Variants in RBFOX1 observed in about 807,000 individuals in gnomAD.
RBFOX1 encodes RNA binding fox-1 homolog 1, also known as RNA binding protein fox-1 homolog 1.
Under a neutral mutation model 57.7 loss-of-function variants are expected in RBFOX1, and 8 were observed. The observed-to-expected ratio is 0.14, with a 90% CI of 0.08 to 0.25. RBFOX1 has a LOEUF of 0.25. Among genes scored for constraint, RBFOX1 ranks in the 10% least tolerant of loss-of-function variants. The pLI is 1.00. For missense variants in RBFOX1, 611 were observed against 548.5 expected (o/e 1.11, Z -1.14); for synonymous variants, 326 against 222.4 (o/e 1.47, Z -4.15).
chr16:6,857,975 G>A (rs1295609066), intron 3 of RBFOX1, among the ~76,000 whole-genome samples: 1 of 152,154 alleles, frequency 6.6e-6, no homozygotes, highest in African/African-American at 2.4e-5. Context: ...TAGGTCAGAT[G>A]AAGTTGAGAG....
intron 3 of RBFOX1, among the ~76,000 whole-genome samples, chr16:5,792,702 G>A (rs1567548649): frequency 2.0e-5 from 3 of 152,130 alleles, no homozygotes; most frequent in East Asian, 3.9e-4. Flanking sequence ...AACTAGCCGG[G>A]CATGGTGGCA....
chr16:7,637,816 C>T lies in RBFOX1; in HGVS notation c.757+7133C>T, dbSNP rs1472186942. ...GGGACTAGGGTAAGCAAGTGACGTG[C>T]TCACTTCAAAGATTAAAGGGGTATC... On this transcript the variant is annotated intron_variant, in intron 11 of 15. Coordinates refer to ENST00000550418, the MANE Select transcript of RBFOX1 (RefSeq NM_018723.4). 3.3e-5 allele frequency among the ~76,000 whole-genome samples: 5 copies of T among 152,090 alleles called. No individual in the cohort carries two copies. In the East Asian group the frequency reaches 9.6e-4, roughly 29 times the overall value.
At chr16:6,197,275 T>C (rs2097185892) in intron 1 of RBFOX1, among the ~76,000 whole-genome samples, 1 of 152,068 alleles carries the variant, frequency 6.6e-6, no homozygotes, top group Non-Finnish European at 1.5e-5. Context: ...GTGTTTTTCT[T>C]TTTTTTTCCA....
At chr16:6,179,487 T>G (rs1446466001) in intron 1 of RBFOX1, among the ~76,000 whole-genome samples, 1 of 152,136 alleles carries the variant, frequency 6.6e-6, no homozygotes, top group East Asian at 1.9e-4. Flanking sequence ...ATAGATCATC[T>G]TCTGGGGGCT....
chr16:6,754,463 C>G (rs193157534), intron 3 of RBFOX1, among the ~76,000 whole-genome samples: 19 of 152,284 alleles, frequency 1.2e-4, no homozygotes, highest in Non-Finnish European at 2.2e-4. Context: ...CCTTTTGTTT[C>G]TTCCACAATT....
At chr16:5,475,489 A>T (rs7192840) in intron 2 of RBFOX1, among the ~76,000 whole-genome samples, 1 of 152,008 alleles carries the variant, frequency 6.6e-6, no homozygotes, top group African/African-American at 2.4e-5. Flanking sequence ...CCTTCTTCCA[A>T]CCTCTTCCCA....
intron 6 of RBFOX1, among the ~76,000 whole-genome samples, chr16:7,583,997 G>A (rs746050441): frequency 2.0e-5 from 3 of 152,110 alleles, no homozygotes; most frequent in Admixed American, 6.5e-5. Flanking sequence ...TACTTATGAC[G>A]TTAATGGAAA....
At chr16:6,437,414 C>A (rs1421289623) in intron 2 of RBFOX1, among the ~76,000 whole-genome samples, 1 of 151,826 alleles carries the variant, frequency 6.6e-6, no homozygotes, top group Non-Finnish European at 1.5e-5. Context: ...TTTTCTTTTC[C>A]CTTGGTTCTA....
At chr16:5,945,042 G>A (rs2059372092) in intron 4 of RBFOX1, among the ~76,000 whole-genome samples, 1 of 151,144 alleles carries the variant, frequency 6.6e-6, no homozygotes, top group Non-Finnish European at 1.5e-5. Flanking sequence ...CCCTTGCTGG[G>A]CTTCTTCTGG....
At chr16:6,854,924 A>T (rs143836634) in intron 3 of RBFOX1, among the ~76,000 whole-genome samples, 1 of 151,866 alleles carries the variant, frequency 6.6e-6, no homozygotes, top group African/African-American at 2.4e-5. Flanking sequence ...TCTGGTTTCT[A>T]TATGACAGAG....
At chr16:6,970,329 G>T (rs191507782) in intron 3 of RBFOX1, among the ~76,000 whole-genome samples, 4 of 152,286 alleles carry the variant, frequency 2.6e-5, no homozygotes, top group African/African-American at 9.6e-5. Context: ...CATTTTCTCA[G>T]TATAGTGGTT....
chr16:6,331,598 A>G (rs901521596), intron 2 of RBFOX1, among the ~76,000 whole-genome samples: 1 of 95,128 alleles, frequency 1.1e-5, no homozygotes, highest in South Asian at 3.3e-4. Flanking sequence ...ATGTGTGTGT[A>G]TATATATGTG....
intron 13 of RBFOX1, among the ~76,000 whole-genome samples, chr16:7,670,088 G>C (rs1043156122): frequency 5.3e-5 from 8 of 152,168 alleles, no homozygotes; most frequent in Non-Finnish European, 8.8e-5. Flanking sequence ...GTGGAGTGCA[G>C]TGGCATGATC....
chr16:5,657,438 C>T (rs1205044426), intron 3 of RBFOX1, among the ~76,000 whole-genome samples: 1 of 152,114 alleles, frequency 6.6e-6, no homozygotes, highest in Non-Finnish European at 1.5e-5. Context: ...TACTCACAAT[C>T]ACAGGACCAG....
In RBFOX1 at chr16:6,094,964, G is replaced by A. The variant is rs2096226437; in HGVS notation, c.-127+74972G>A. Among the ~76,000 whole-genome samples, 3 of 152,300 alleles carry A rather than the reference G, an allele frequency of 2.0e-5. No homozygotes were observed. In the South Asian group the frequency reaches 6.2e-4, roughly 32 times the overall value. On this transcript the variant is annotated intron_variant, in intron 1 of 15. Transcript: ENST00000550418. ...AGTCCCAGCTACTCGAGAGGCTGAG[G>A]CAGGAGAATCGCTGGAACCCGGGAG...
intron 4 of RBFOX1, among the ~76,000 whole-genome samples, chr16:7,240,313 G>C (rs899764563): frequency 9.9e-5 from 15 of 152,112 alleles, no homozygotes; most frequent in African/African-American, 3.1e-4. Flanking sequence ...TTACGGAGCA[G>C]TGTTCATCAG....
chr16:6,893,384 G>A (rs571932561), intron 3 of RBFOX1, among the ~76,000 whole-genome samples: 1 of 152,258 alleles, frequency 6.6e-6, no homozygotes, highest in Non-Finnish European at 1.5e-5. Context: ...ATAAAAAGAA[G>A]GCTTTCTTTA....
chr16:5,534,872 A>G (rs545544230), intron 2 of RBFOX1, among the ~76,000 whole-genome samples: 4 of 152,342 alleles, frequency 2.6e-5, no homozygotes, highest in Non-Finnish European at 5.9e-5. Flanking sequence ...TTTATTAAAC[A>G]CAAGAAAGAT....
intron 1 of RBFOX1, among the ~76,000 whole-genome samples, chr16:6,131,929 G>A (rs966323682): frequency 1.3e-5 from 2 of 152,182 alleles, no homozygotes; most frequent in South Asian, 4.1e-4. Context: ...ATGCACGTCT[G>A]GCGGATAATG....
Sources: allele counts gnomAD v4.1 joint callset (sites outside exome capture counted in the v4.1 genomes callset), GRCh38; gene constraint gnomAD v4.1.1; transcripts MANE v1.5; gene names NCBI Gene and HGNC (gene_info 2026-07-23, HGNC 2026-07-21).